LRRC37A2: variants seen among roughly 807,000 people sequenced by gnomAD.
The protein encoded by LRRC37A2 is leucine-rich repeat-containing protein 37A2.
In LRRC37A2, 9 loss-of-function variants were observed where a neutral mutation model predicts 68.8. That is an observed-to-expected ratio of 0.13 (90% CI 0.08 to 0.23). The LOEUF is 0.23. Among genes scored for constraint, LRRC37A2 ranks in the 10% least tolerant of loss-of-function variants. The pLI is 1.00. For missense variants in LRRC37A2, 168 were observed against 950.4 expected, an observed-to-expected ratio of 0.18 and a Z score of 10.82; for synonymous variants, 63 against 367.6, an observed-to-expected ratio of 0.17 and a Z score of 9.48.
chr17:46,497,731 G>C, the LRRC37A2 span, among the ~76,000 whole-genome samples: 1 of 116,520 alleles, frequency 8.6e-6, no homozygotes, highest in African/African-American at 3.3e-5. Context: ...TACATTGAAA[G>C]ATATATATCT....
the LRRC37A2 span, chr17:46,935,463 A>G: frequency 1.5e-6 from 2 of 1,377,910 alleles, no homozygotes; most frequent in Non-Finnish European, 1.9e-6. Context: ...GAGGGGTCCA[A>G]TCACAGGCTG....
chr17:46,809,872 G>A, the LRRC37A2 span, among the ~76,000 whole-genome samples: 1 of 152,142 alleles, frequency 6.6e-6, no homozygotes, highest in Non-Finnish European at 1.5e-5. Context: ...GGACTCCCCT[G>A]TCCAGCCCCA....
the LRRC37A2 span, among the ~76,000 whole-genome samples, chr17:46,890,981 A>G: frequency 6.6e-6 from 1 of 152,132 alleles, no homozygotes; most frequent in African/African-American, 2.4e-5. Context: ...TTGACAGTTG[A>G]GGAAACTGAG....
chr17:47,014,406 A>G, the LRRC37A2 span, among the ~76,000 whole-genome samples: 1 of 152,024 alleles, frequency 6.6e-6, no homozygotes, highest in Admixed American at 6.6e-5. Flanking sequence ...AAAAAAAAAA[A>G]AAGAAAAAAG....
chr17:47,017,311 T>A, the LRRC37A2 span: 9 of 1,606,964 alleles, frequency 5.6e-6, no homozygotes, highest in East Asian at 6.7e-5. Context: ...GCTCAGCCTC[T>A]GGAGTGGGTC....
chr17:46,844,120 AT>A, the LRRC37A2 span, among the ~76,000 whole-genome samples: 284 of 149,136 alleles, frequency 1.9e-3, no homozygotes, highest in African/African-American at 6.5e-3. Flanking sequence ...TGCCTGGCTA[AT>A]TTTTTTTTTC....
the LRRC37A2 span, among the ~76,000 whole-genome samples, chr17:46,848,126 G>A: frequency 5.9e-5 from 9 of 152,224 alleles, no homozygotes; most frequent in East Asian, 7.7e-4. Flanking sequence ...CTGTGTGAAC[G>A]TGTGGACCCA....
chr17:46,735,947 A>G, the LRRC37A2 span, among the ~76,000 whole-genome samples: 1 of 152,148 alleles, frequency 6.6e-6, no homozygotes, highest in South Asian at 2.1e-4. Context: ...CTCTGTCTCA[A>G]AAAAAGAATT....
At chr17:46,828,608 A>AAACAAC in the LRRC37A2 span, among the ~76,000 whole-genome samples, 3 of 152,094 alleles carry the variant, frequency 2.0e-5, no homozygotes, top group African/African-American at 4.8e-5. Flanking sequence ...GGGAGAAAGG[A>AAACAAC]AACAACAAAA....
At chr17:46,494,378 A>G in the LRRC37A2 span, among the ~76,000 whole-genome samples, 1 of 148,178 alleles carries the variant, frequency 6.7e-6, no homozygotes, top group Non-Finnish European at 1.5e-5. Context: ...ACCTTGCCAG[A>G]CTTTTTCTGT....
the LRRC37A2 span, among the ~76,000 whole-genome samples, chr17:47,001,716 CCTTT>C: frequency 7.2e-6 from 1 of 139,272 alleles, no homozygotes; most frequent in African/African-American, 2.7e-5. Context: ...TCTCTTTTTT[CCTTT>C]TTTTTTTTTT....
chr17:46,794,052 C>T, the LRRC37A2 span, among the ~76,000 whole-genome samples: 1 of 152,102 alleles, frequency 6.6e-6, no homozygotes, highest in Non-Finnish European at 1.5e-5. Flanking sequence ...TGAAATCTAA[C>T]AGGCATGTTC....
At chr17:46,890,861 C>A in the LRRC37A2 span, among the ~76,000 whole-genome samples, 1 of 152,308 alleles carries the variant, frequency 6.6e-6, no homozygotes, top group East Asian at 1.9e-4. Flanking sequence ...CCAAGAACCA[C>A]CCGTTTTAAT....
At chr17:46,533,913 A>C (rs1461084666) in intron 6 of LRRC37A2, among the ~76,000 whole-genome samples, 1 of 113,152 alleles carries the variant, frequency 8.8e-6, no homozygotes, top group Non-Finnish European at 1.7e-5. Context: ...ATTTCTCTTC[A>C]ATTTCAAAGG....
the LRRC37A2 span, among the ~76,000 whole-genome samples, chr17:46,802,426 C>A: frequency 6.6e-6 from 1 of 152,138 alleles, no homozygotes; most frequent in Non-Finnish European, 1.5e-5. Context: ...CCACCATGCT[C>A]GGCTAATTTT....
chr17:46,811,926 C>T, the LRRC37A2 span, among the ~76,000 whole-genome samples: 2 of 152,152 alleles, frequency 1.3e-5, no homozygotes, highest in Non-Finnish European at 2.9e-5. Context: ...CACTGCACTC[C>T]AGCCTGGGCG....
chr17:46,755,426 C>G, the LRRC37A2 span: 3 of 1,350,566 alleles, frequency 2.2e-6, no homozygotes, highest in Admixed American at 5.0e-5. Flanking sequence ...TGTTAAATCC[C>G]TGTGCCTATT....
chr17:46,787,302 C>A, the LRRC37A2 span, among the ~76,000 whole-genome samples: 1 of 32,142 alleles, frequency 3.1e-5, no homozygotes, highest in Non-Finnish European at 6.6e-5. Context: ...TGGAGTAGGG[C>A]GGGGGCGGGG....
At chr17:46,986,307 C>T in the LRRC37A2 span, among the ~76,000 whole-genome samples, 1 of 152,118 alleles carries the variant, frequency 6.6e-6, no homozygotes, top group Admixed American at 6.5e-5. Flanking sequence ...ATGGTAACTG[C>T]CTCCTAGAAT....
Sources: gnomAD v4.1 joint callset for allele counts (sites outside exome capture counted in the v4.1 genomes callset) on GRCh38, gnomAD v4.1.1 for gene constraint, MANE v1.5 for transcripts, NCBI Gene and HGNC (gene_info 2026-07-23, HGNC 2026-07-21) for gene names.